The following RHOH variants were observed in gnomAD, a reference collection of about 807,000 sequenced individuals.
The protein encoded by RHOH is rho-related GTP-binding protein RhoH.
In RHOH, 6 loss-of-function variants were observed where a neutral mutation model predicts 13.8. That is an observed-to-expected ratio of 0.44 (90% CI 0.24 to 0.86). The LOEUF (loss-of-function observed/expected upper bound fraction) is 0.86. RHOH is among the 40% of genes least tolerant of loss of function. The pLI is 0.24. For missense variants in RHOH, 147 were observed against 244.5 expected (o/e 0.60, Z 2.66); for synonymous variants, 117 against 103.0 (o/e 1.14, Z -0.82).
At chr4:40,201,215 A>G (rs1047361415) in intron 1 of RHOH, among the ~76,000 whole-genome samples, 3 of 152,166 alleles carry the variant, frequency 2.0e-5, no homozygotes, top group Non-Finnish European at 4.4e-5. Context: ...GGTAGACAGA[A>G]TTATTCAACC....
At chr4:40,192,807 C>T (rs995648806), upstream of RHOH, among the ~76,000 whole-genome samples, 9 of 152,224 alleles carry the variant, frequency 5.9e-5, no homozygotes, top group South Asian at 1.0e-3. Context: ...CCTCGTTGCC[C>T]ACGGTGGTTC....
intron 1 of RHOH, among the ~76,000 whole-genome samples, chr4:40,237,392 C>T (rs1297568461): frequency 4.0e-5 from 6 of 151,370 alleles, no homozygotes; most frequent in African/African-American, 1.2e-4. Flanking sequence ...GAGGTGGAGG[C>T]GGCAGTGAGC....
rs542077872 is a variant in RHOH at position 40,243,325 on chromosome 4, G to A, written c.-62G>A. 3.7e-4 allele frequency: 526 copies of A among 1,430,760 alleles called. No individual in the cohort carries two copies. The highest frequency in any genetic ancestry group is 1.8e-3 in the Middle Eastern group (7 of 3,956). The allele number at this position is 1,430,760 out of a possible 1,614,324, so 88.6% of individuals were successfully genotyped here. ...TTGCTGAATGGCGTGTGCTGCAGCTGCCCACTGAGGGCTCTTTTCCCTGGG... is the reference window on the plus strand; with the variant it reads ...TTGCTGAATGGCGTGTGCTGCAGCTACCCACTGAGGGCTCTTTTCCCTGGG... On this transcript the variant is annotated 5_prime_UTR_variant, in exon 3 of 3. Transcript: ENST00000381799. The surrounding 1 kb of genome is among the most constrained non-coding windows in gnomAD (Gnocchi z 6.2).
intron 1 of RHOH, among the ~76,000 whole-genome samples, chr4:40,241,265 G>C (rs1049583410): frequency 6.6e-6 from 1 of 152,144 alleles, no homozygotes; most frequent in Admixed American, 6.5e-5. Flanking sequence ...TGGTCCCTCC[G>C]CTATGGACAT....
intron 1 of RHOH, among the ~76,000 whole-genome samples, chr4:40,226,815 G>C (rs576320573): frequency 1.6e-4 from 24 of 152,282 alleles, no homozygotes; most frequent in Admixed American, 1.3e-3. Flanking sequence ...CATCTCGAAG[G>C]AAGTGGATGA....
At chr4:40,222,043 C>G (rs13143114) in intron 1 of RHOH, among the ~76,000 whole-genome samples, 110,487 of 152,104 alleles carry the variant, frequency 0.73, 40,398 homozygotes, top group Admixed American at 0.77. Context: ...CAGAACAAGG[C>G]CCTAACTTGC....
chr4:40,236,596 C>G (rs1728599973), intron 1 of RHOH, among the ~76,000 whole-genome samples: 1 of 151,492 alleles, frequency 6.6e-6, no homozygotes, highest in Non-Finnish European at 1.5e-5. Context: ...CGAGACCATC[C>G]TGGCCAACAT....
intron 1 of RHOH, among the ~76,000 whole-genome samples, chr4:40,219,862 A>G (rs1726335370): frequency 6.6e-6 from 1 of 152,168 alleles, no homozygotes; most frequent in Non-Finnish European, 1.5e-5. Context: ...AAATTGCAGC[A>G]AAGTAGTATG....
chr4:40,243,725 G>C lies in RHOH; in HGVS notation c.339G>C (p.Val113=), dbSNP rs1560290956. The C allele has an allele frequency of 2.5e-6, 4 of 1,614,058 alleles. No individual in the cohort carries two copies. The highest frequency in any genetic ancestry group is 2.2e-5 in the East Asian group (1 of 44,892). The change falls in exon 3 of 3, where the codon GTG becomes GTC. Residue 113 remains valine, a synonymous_variant. Transcript: ENST00000381799. The surrounding 1 kb of genome is among the most constrained non-coding windows in gnomAD (Gnocchi z 6.2). Reference sequence around the variant, plus strand: ...ACTTGCCCTGTACCCCTGTGCTGGTGGTGGCCACCCAGACTGACCAGCGGG... The same window carrying C: ...ACTTGCCCTGTACCCCTGTGCTGGTCGTGGCCACCCAGACTGACCAGCGGG... ...RSNLPCTPVL[V]VATQTDQREM...
intron 1 of RHOH, among the ~76,000 whole-genome samples, chr4:40,215,074 C>G (rs1432770462): frequency 6.6e-6 from 1 of 152,128 alleles, no homozygotes; most frequent in Admixed American, 6.5e-5. Context: ...AGAGGTGAAG[C>G]CAAGAACATG....
At chr4:40,227,652 C>A (rs1560276248) in intron 1 of RHOH, among the ~76,000 whole-genome samples, 1 of 148,970 alleles carries the variant, frequency 6.7e-6, no homozygotes, top group East Asian at 1.9e-4. Context: ...TACCTGGGCA[C>A]TATATATATA....
intron 1 of RHOH, among the ~76,000 whole-genome samples, chr4:40,239,417 C>G (rs1271349731): frequency 1.3e-5 from 2 of 152,198 alleles, no homozygotes; most frequent in African/African-American, 4.8e-5. Context: ...ACAGAACACC[C>G]TTTGCTGGAG....
intron 1 of RHOH, chr4:40,240,236 G>C (rs1031918202): frequency 5.3e-5 from 8 of 152,182 alleles, no homozygotes; most frequent in Admixed American, 2.0e-4. Context: ...CCAACACTTT[G>C]GGAGGCTGAG....
intron 1 of RHOH, among the ~76,000 whole-genome samples, chr4:40,201,259 C>T (rs543211858): frequency 6.7e-6 from 1 of 150,110 alleles, no homozygotes; most frequent in African/African-American, 2.4e-5. Flanking sequence ...CTATCCCCCC[C>T]TTTTTTTTTG....
Position 40,228,442 on chromosome 4 carries a change from G to C in RHOH, c.-330-14272G>C, listed in dbSNP as rs138801325. On this transcript the variant is annotated intron_variant, in intron 1 of 2. Transcript: ENST00000381799. ...TGGTCTGGAAAAAATGAGGAGAGAA[G>C]TTACAATAGGGAGGTCATCTTCAAT... 5.5e-4 allele frequency among the ~76,000 whole-genome samples: 83 copies of C among 152,292 alleles called. 1 individual carries two copies. The East Asian group carries it at 7.7e-3, about 14-fold the overall frequency.
At chr4:40,226,262 C>A (rs372232293) in intron 1 of RHOH, among the ~76,000 whole-genome samples, 1 of 152,128 alleles carries the variant, frequency 6.6e-6, no homozygotes, top group Non-Finnish European at 1.5e-5. Context: ...TGCGGTGGCT[C>A]ATGCCTGTAG....
At position 40,203,447 on chromosome 4, in the gene RHOH, G is replaced by A. The variant is rs115888437; in HGVS notation, c.-331+6147G>A. On this transcript the variant is annotated intron_variant, in intron 1 of 2. Coordinates refer to ENST00000381799, the MANE Select transcript of RHOH (RefSeq NM_004310.5). The stretch of plus-strand genomic sequence containing the variant: ...ATGAAGACTCTGATGTGAATTGCCT[G>A]CAGATTACACTTTGAGAAACACTAG... Among the ~76,000 whole-genome samples the A allele has an allele frequency of 6.1e-3, 922 of 152,236 alleles. 8 individuals carry two copies. Among genetic ancestry groups the A allele is most frequent in the African/African-American group, 0.021 (860 of 41,528 alleles).
At chr4:40,203,426 A>G (rs1398267183) in intron 1 of RHOH, among the ~76,000 whole-genome samples, 1 of 152,234 alleles carries the variant, frequency 6.6e-6, no homozygotes, top group Non-Finnish European at 1.5e-5. Flanking sequence ...CACCCTATGA[A>G]GACTCTGATG....
At chr4:40,200,641 T>C (rs918444212) in intron 1 of RHOH, 2 of 152,182 alleles carry the variant, frequency 1.3e-5, no homozygotes, top group Non-Finnish European at 2.9e-5. Context: ...ACAGCAAGTA[T>C]TTTCCTTTGT....
Sources: gnomAD v4.1 joint callset for allele counts (sites outside exome capture counted in the v4.1 genomes callset) on GRCh38, gnomAD v4.1.1 for gene constraint, Gnocchi (gnomAD v3.1) non-coding constraint, MANE v1.5 for transcripts, NCBI Gene and HGNC (gene_info 2026-07-23, HGNC 2026-07-21) for gene names.